AKT3: variants seen among roughly 807,000 people sequenced by gnomAD.
AKT3 encodes the protein AKT serine/threonine kinase 3.
A neutral mutation model predicts 65.3 loss-of-function variants in AKT3; 15 were observed. That is an observed-to-expected ratio of 0.23 (90% CI 0.15 to 0.35). AKT3 has a LOEUF of 0.35. Among genes scored for constraint, AKT3 ranks in the 10% least tolerant of loss-of-function variants. The pLI is 1.00. For missense variants in AKT3, 243 were observed against 576.5 expected, an observed-to-expected ratio of 0.42 and a Z score of 5.92; for synonymous variants, 206 against 183.8, an observed-to-expected ratio of 1.12 and a Z score of -0.98.
rs542264034 is a variant in AKT3, at chr1:243,833,098, T to C, written c.46+10027A>G. The stretch of plus-strand genomic sequence containing the variant: ...AACATGGTGAAACCCCGTCGCTTAA[T>C]GAAAATACAAAAATTAGCCAGGCAC... On this transcript the variant is annotated intron_variant, in intron 2 of 13. Transcript: ENST00000673466. Among the ~76,000 whole-genome samples, 83 of 151,780 alleles carry C rather than the reference T, an allele frequency of 5.5e-4. 4 individuals carry two copies. The South Asian group carries it at 0.017, about 31-fold the overall frequency.
intron 2 of AKT3, among the ~76,000 whole-genome samples, chr1:243,836,046 A>G (rs1694870823): frequency 6.6e-6 from 1 of 152,212 alleles, no homozygotes; most frequent in Non-Finnish European, 1.5e-5. Context: ...ATCAATAATT[A>G]CATTAAATAT....
intron 8 of AKT3, among the ~76,000 whole-genome samples, chr1:243,606,572 C>T (rs1420581913): frequency 7.9e-5 from 12 of 152,004 alleles, no homozygotes; most frequent in Admixed American, 6.6e-5. Context: ...GAAGAGAACG[C>T]GGAGAAGAAA....
chr1:243,784,388 G>A (rs1049073496), intron 2 of AKT3, among the ~76,000 whole-genome samples: 7 of 151,150 alleles, frequency 4.6e-5, no homozygotes, highest in Admixed American at 1.3e-4. Context: ...AGGTTTTAAC[G>A]GAATTTTAAA....
At chr1:243,505,787 T>G (rs1669630900) in intron 13 of AKT3, among the ~76,000 whole-genome samples, 1 of 152,234 alleles carries the variant, frequency 6.6e-6, no homozygotes, top group Non-Finnish European at 1.5e-5. Flanking sequence ...AACTGCAAAA[T>G]AAAGCTTCTT....
chr1:243,553,917 T>G (rs1673243143), intron 10 of AKT3, among the ~76,000 whole-genome samples: 1 of 152,240 alleles, frequency 6.6e-6, no homozygotes, highest in Non-Finnish European at 1.5e-5. Context: ...TTTGATCCTC[T>G]CAGCTTTGGA....
At chr1:243,850,292 G>GGGA (rs964058566), upstream of AKT3, among the ~76,000 whole-genome samples, 3 of 119,356 alleles carry the variant, frequency 2.5e-5, no homozygotes, top group Non-Finnish European at 3.9e-5. Flanking sequence ...GAGCTGGAGC[G>GGGA]GGAGGCGGCG....
chr1:243,812,457 T>C (rs898496625), intron 2 of AKT3, among the ~76,000 whole-genome samples: 3 of 152,074 alleles, frequency 2.0e-5, no homozygotes, highest in African/African-American at 7.2e-5. Flanking sequence ...GAAATGCAAA[T>C]CAAAATCACA....
chr1:243,784,329 G>A (rs1285754124), intron 2 of AKT3, among the ~76,000 whole-genome samples: 1 of 151,808 alleles, frequency 6.6e-6, no homozygotes, highest in African/African-American at 2.4e-5. Context: ...GAGGGGGTGA[G>A]TATGAGACAA....
chr1:243,523,260 AACAC>A (rs547403507), intron 12 of AKT3, among the ~76,000 whole-genome samples: 16,071 of 126,292 alleles, frequency 0.13, 900 homozygotes, highest in Middle Eastern at 0.14. Flanking sequence ...AAAAAGGACG[AACAC>A]ACACACACAC....
intron 3 of AKT3, among the ~76,000 whole-genome samples, chr1:243,666,702 A>G (rs1024181323): frequency 1.3e-5 from 2 of 152,192 alleles, no homozygotes; most frequent in Non-Finnish European, 2.9e-5. Context: ...AGTCAGAAAT[A>G]TTATAAGGCA....
At chr1:243,563,292 C>A (rs1673922031) in intron 10 of AKT3, among the ~76,000 whole-genome samples, 2 of 152,200 alleles carry the variant, frequency 1.3e-5, no homozygotes, top group South Asian at 2.1e-4. Context: ...ACTGTCATTT[C>A]AATAATTTTC....
chr1:243,499,471 T>C (rs10927029), downstream of AKT3, among the ~76,000 whole-genome samples: 25,540 of 152,238 alleles, frequency 0.17, 2,206 homozygotes, highest in Non-Finnish European at 0.18. Context: ...TCTCTGGCCA[T>C]GTCCTAACAC....
At chr1:243,651,321 C>T (rs866603760) in intron 4 of AKT3, among the ~76,000 whole-genome samples, 4 of 152,114 alleles carry the variant, frequency 2.6e-5, no homozygotes, top group East Asian at 1.9e-4. Context: ...TCTAAACATA[C>T]GATCATGTCA....
intron 13 of AKT3, among the ~76,000 whole-genome samples, chr1:243,490,252 G>A (rs908955384): frequency 2.0e-5 from 3 of 152,332 alleles, no homozygotes; most frequent in South Asian, 4.1e-4. Context: ...CAGGCGCCAC[G>A]GAGCTAAGGC....
At chr1:243,684,727 C>T (rs1429080382) in intron 3 of AKT3, among the ~76,000 whole-genome samples, 7 of 152,254 alleles carry the variant, frequency 4.6e-5, no homozygotes, top group South Asian at 2.1e-4. Flanking sequence ...CTTGAGGAAT[C>T]GCCACACTGT....
chr1:243,638,935 T>C (rs951098367), intron 5 of AKT3, among the ~76,000 whole-genome samples: 1 of 151,948 alleles, frequency 6.6e-6, no homozygotes, highest in South Asian at 2.1e-4. Context: ...AAAAAATCAG[T>C]GAAACCAAAA....
intron 3 of AKT3, among the ~76,000 whole-genome samples, chr1:243,689,930 GTGAGAT>G (rs1684580925): frequency 6.6e-6 from 1 of 151,984 alleles, no homozygotes; most frequent in African/African-American, 2.4e-5. Context: ...GGGTGACAGA[GTGAGAT>G]CTTGTCTTAA....
chr1:243,692,707 C>T (rs1444163593), intron 3 of AKT3, among the ~76,000 whole-genome samples: 1 of 151,904 alleles, frequency 6.6e-6, no homozygotes, highest in Admixed American at 6.6e-5. Context: ...CATTGCACTC[C>T]AGCCCGGGGG....
At chr1:243,546,622 C>T (rs970855097) in intron 11 of AKT3, 1 of 151,086 alleles carries the variant, frequency 6.6e-6, no homozygotes, top group Non-Finnish European at 1.5e-5. Context: ...TTCAAAGGCA[C>T]AGTAGATACC....
Sources: allele counts gnomAD v4.1 joint callset (sites outside exome capture counted in the v4.1 genomes callset), GRCh38; gene constraint gnomAD v4.1.1; transcripts MANE v1.5; gene names NCBI Gene and HGNC (gene_info 2026-07-23, HGNC 2026-07-21).